Variants in NRXN3 observed in about 807,000 individuals in gnomAD.
NRXN3 encodes the protein neurexin III.
Under a neutral mutation model 137.6 loss-of-function variants are expected in NRXN3, and 32 were observed. The ratio of observed to expected loss-of-function variants is 0.23; its 90% CI spans 0.18 to 0.31. The LOEUF is 0.31. Ranked by LOEUF, NRXN3 falls within the 10% of genes least tolerant of loss-of-function variation. NRXN3 has a pLI of 1.00. For synonymous variants in NRXN3, 798 were observed against 784.5 expected (o/e 1.02, Z -0.29); for missense variants, 1,574 against 2,062.5 (o/e 0.76, Z 4.59).
intron 4 of NRXN3, among the ~76,000 whole-genome samples, chr14:78,418,371 A>G (rs933991130): frequency 3.3e-5 from 5 of 152,074 alleles, no homozygotes; most frequent in Non-Finnish European, 5.9e-5. Flanking sequence ...TTGGTACTCT[A>G]TTTCTCATTT....
chr14:79,480,776 A>G (rs1310867637), intron 16 of NRXN3, among the ~76,000 whole-genome samples: 2 of 151,982 alleles, frequency 1.3e-5, no homozygotes, highest in Admixed American at 6.6e-5. Context: ...TAGAGTTCTC[A>G]TAAGATCTGG....
chr14:78,223,756 AG>A, intron 1 of NRXN3, among the ~76,000 whole-genome samples: 1 of 152,166 alleles, frequency 6.6e-6, no homozygotes, highest in East Asian at 1.9e-4. Flanking sequence ...AGAGGTTGGG[AG>A]GGCTGGACAT....
chr14:78,748,623 C>G lies in NRXN3; in HGVS notation c.2044+33484C>G, dbSNP rs1232162606. On this transcript the variant is annotated intron_variant, in intron 8 of 20. Coordinates refer to ENST00000335750, the MANE Select transcript of NRXN3 (RefSeq NM_001330195.2). ...GAAGACACACAGTAAAGGAGCCAACCTAGACTCAGTGGTAACAGAGATAGC... is the reference window on the plus strand; with the variant it reads ...GAAGACACACAGTAAAGGAGCCAACGTAGACTCAGTGGTAACAGAGATAGC... Among the ~76,000 whole-genome samples the G allele has an allele frequency of 2.6e-5, 4 of 152,190 alleles. No homozygotes were observed. The East Asian group carries it at 7.7e-4, about 29-fold the overall frequency.
At chr14:78,427,279 C>T (rs980035221) in intron 4 of NRXN3, among the ~76,000 whole-genome samples, 4 of 152,088 alleles carry the variant, frequency 2.6e-5, no homozygotes, top group East Asian at 1.9e-4. Context: ...TTCCCTTGTG[C>T]GAGTTAAAAA....
At chr14:79,703,852 A>G (rs1299446905) in intron 19 of NRXN3, among the ~76,000 whole-genome samples, 2 of 152,116 alleles carry the variant, frequency 1.3e-5, no homozygotes, top group Non-Finnish European at 2.9e-5. Flanking sequence ...CATGTGTGAA[A>G]AGCACCCCAT....
chr14:79,719,809 AC>A (rs1167065839), intron 19 of NRXN3, among the ~76,000 whole-genome samples: 1 of 151,972 alleles, frequency 6.6e-6, no homozygotes, highest in Non-Finnish European at 1.5e-5. Flanking sequence ...ACAACATACA[AC>A]TTGAGCATGC....
intron 15 of NRXN3, among the ~76,000 whole-genome samples, chr14:79,349,168 C>T (rs1230365683): frequency 2.0e-5 from 3 of 152,018 alleles, no homozygotes; most frequent in Non-Finnish European, 4.4e-5. Flanking sequence ...TAGTTTGTGC[C>T]AGATTTCAAT....
chr14:79,482,314 C>T (rs1384115121), intron 16 of NRXN3, among the ~76,000 whole-genome samples: 2 of 152,206 alleles, frequency 1.3e-5, no homozygotes, highest in African/African-American at 4.8e-5. Flanking sequence ...GTCTCTTTCA[C>T]TGTCATAATT....
chr14:79,686,005 C>A (rs973209103), intron 17 of NRXN3, among the ~76,000 whole-genome samples: 1 of 152,044 alleles, frequency 6.6e-6, no homozygotes, highest in Non-Finnish European at 1.5e-5. Flanking sequence ...GATATTTGGA[C>A]ATGATAGGCC....
intron 4 of NRXN3, among the ~76,000 whole-genome samples, chr14:78,632,504 A>G (rs910652906): frequency 7.9e-5 from 12 of 152,230 alleles, no homozygotes; most frequent in South Asian, 2.1e-4. Flanking sequence ...AATAGGAAGC[A>G]GCATGATCTA....
At chr14:79,837,489 C>T (rs2099346515) in intron 20 of NRXN3, among the ~76,000 whole-genome samples, 1 of 152,114 alleles carries the variant, frequency 6.6e-6, no homozygotes, top group East Asian at 1.9e-4. Context: ...GATGTATAAC[C>T]TGTGGGAAAA....
intron 15 of NRXN3, among the ~76,000 whole-genome samples, chr14:79,341,282 C>T (rs1317107089): frequency 1.3e-5 from 2 of 152,168 alleles, no homozygotes; most frequent in Non-Finnish European, 2.9e-5. Flanking sequence ...TCAACTGTAA[C>T]AGCAAGTCAC....
In NRXN3 at chr14:79,762,444, C is replaced by T. The variant is rs1036867651; in HGVS notation, c.4015-42668C>T. On this transcript the variant is annotated intron_variant, in intron 19 of 20. Transcript: ENST00000335750. The stretch of plus-strand genomic sequence containing the variant: ...GCTAATCTGTGGGTATGACCCAAAG[C>T]TTTCAGAGATTTCCTGGCTTCACTT... 5.3e-5 allele frequency among the ~76,000 whole-genome samples: 8 copies of T among 150,390 alleles called. No homozygotes were observed. The South Asian group carries it at 6.3e-4, about 12-fold the overall frequency.
chr14:78,885,644 A>G (rs1386682178), intron 10 of NRXN3, among the ~76,000 whole-genome samples: 1 of 152,114 alleles, frequency 6.6e-6, no homozygotes, highest in Non-Finnish European at 1.5e-5. Context: ...GAGCATTACT[A>G]TGCTGACTTT....
At chr14:79,780,765 A>G (rs1232717980) in intron 19 of NRXN3, among the ~76,000 whole-genome samples, 3 of 152,226 alleles carry the variant, frequency 2.0e-5, no homozygotes, top group African/African-American at 7.2e-5. Flanking sequence ...TAATTCTAGC[A>G]TGTATCACTG....
rs80044114 is a variant in NRXN3, at chr14:79,825,757, A to G, written c.4093+20567A>G. 2.3e-3 allele frequency among the ~76,000 whole-genome samples: 343 copies of G among 152,296 alleles called. 12 individuals are homozygous for G. In the East Asian group the frequency reaches 0.045, roughly 20 times the overall value. On this transcript the variant is annotated intron_variant, in intron 20 of 20. Transcript: ENST00000335750. ...CCTGCTGGTGCTGGAAGACATGATC[A>G]TAACTACTCACAACCCAGATCTTAA...
At chr14:79,120,297 G>A (rs1277206900) in intron 15 of NRXN3, among the ~76,000 whole-genome samples, 1 of 152,134 alleles carries the variant, frequency 6.6e-6, no homozygotes, top group Non-Finnish European at 1.5e-5. Flanking sequence ...TTGTGCAAAT[G>A]AGTGTTGATT....
intron 17 of NRXN3, among the ~76,000 whole-genome samples, chr14:79,686,483 A>AAATC (rs2098695579): frequency 6.6e-6 from 1 of 152,134 alleles, no homozygotes; most frequent in Non-Finnish European, 1.5e-5. Flanking sequence ...GAATTAAAAC[A>AAATC]AATCACAGGC....
chr14:78,515,846 A>G (rs954867073), intron 4 of NRXN3, among the ~76,000 whole-genome samples: 3 of 152,148 alleles, frequency 2.0e-5, no homozygotes, highest in African/African-American at 7.2e-5. Flanking sequence ...AAATCTCCTC[A>G]TTTCTTTGAC....
Sources: gnomAD v4.1 joint callset for allele counts (sites outside exome capture counted in the v4.1 genomes callset) on GRCh38, gnomAD v4.1.1 for gene constraint, MANE v1.5 for transcripts, NCBI Gene and HGNC (gene_info 2026-07-23, HGNC 2026-07-21) for gene names.